LARS1: variants seen among roughly 807,000 people sequenced by gnomAD.
LARS1 encodes the protein leucine--tRNA ligase, cytoplasmic.
In LARS1, 100 loss-of-function variants were observed where a neutral mutation model predicts 162.8. The observed-to-expected ratio is 0.61, with a 90% CI of 0.52 to 0.73. LARS1 has a LOEUF of 0.73. LARS1 is among the 30% of genes least tolerant of loss of function. The pLI is 0.00. For missense variants in LARS1, 1,258 were observed against 1,408.9 expected, an observed-to-expected ratio of 0.89 and a Z score of 1.71; for synonymous variants, 457 against 462.8, an observed-to-expected ratio of 0.99 and a Z score of 0.16.
At chr5:146,161,637 C>T (rs1402224503) in intron 6 of LARS1, among the ~76,000 whole-genome samples, 2 of 152,010 alleles carry the variant, frequency 1.3e-5, no homozygotes, top group African/African-American at 2.4e-5. Context: ...CCTGTAATCC[C>T]AGCTACTAGG....
At chr5:146,159,596 T>A (rs1753687654) in intron 7 of LARS1, 126 bp from the exon 8 acceptor site, 1 of 673,194 alleles carries the variant, frequency 1.5e-6, no homozygotes, top group Non-Finnish European at 2.6e-6. Context: ...GATATCTGTG[T>A]CTATTATGTG....
intron 6 of LARS1, among the ~76,000 whole-genome samples, chr5:146,161,701 C>T (rs561551888): frequency 2.3e-4 from 34 of 150,018 alleles, no homozygotes; most frequent in African/African-American, 7.8e-4. Context: ...TGCAGTGAGT[C>T]GATATCATGC....
chr5:146,170,925 T>C (rs552661577), intron 4 of LARS1, among the ~76,000 whole-genome samples: 14 of 150,684 alleles, frequency 9.3e-5, no homozygotes, highest in Admixed American at 6.6e-4. Context: ...AAAGCACGCA[T>C]GCATGCATGT....
intron 5 of LARS1, among the ~76,000 whole-genome samples, chr5:146,166,809 T>C (rs1754027363): frequency 6.6e-6 from 1 of 151,810 alleles, no homozygotes; most frequent in Middle Eastern, 3.2e-3. Flanking sequence ...ACAGTATTAT[T>C]TCCATGGCCT....
chr5:146,165,752 C>T (rs1249659449), intron 5 of LARS1, among the ~76,000 whole-genome samples: 1 of 151,396 alleles, frequency 6.6e-6, no homozygotes, highest in Non-Finnish European at 1.5e-5. Context: ...GAATTACACA[C>T]AAACACTGTA....
At chr5:146,126,293 C>A in intron 28 of LARS1, 142 bp downstream of exon 28, 2 of 539,272 alleles carry the variant, frequency 3.7e-6, no homozygotes, top group Non-Finnish European at 6.6e-6. Flanking sequence ...TCTGATAGAT[C>A]ATTTCTCTCA....
chr5:146,147,124 C>G (rs749594721), intron 15 of LARS1, among the ~76,000 whole-genome samples: 3 of 152,254 alleles, frequency 2.0e-5, no homozygotes, highest in East Asian at 1.9e-4. Flanking sequence ...GCCCAAATGG[C>G]CCTTTCTAGA....
In LARS1 at chr5:146,129,081, C is replaced by T. The variant is rs150148403; in HGVS notation, c.2666G>A (p.Gly889Asp). 5.2e-3 allele frequency: 8,308 copies of T among 1,606,300 alleles called. 35 individuals are homozygous for T. The highest frequency in any genetic ancestry group is 6.2e-3 in the Non-Finnish European group (7,246 of 1,175,534). ...SIMNASWPVA[G>D]PVNEVLIHSS... Reference sequence around the variant, plus strand: ...GTGTATTAAAACTTCATTAACAGGACCTGCCACAGGCCATGAAGCATTCAT... The same window carrying T: ...GTGTATTAAAACTTCATTAACAGGATCTGCCACAGGCCATGAAGCATTCAT... The change falls in exon 26 of 32, where the codon GGT (glycine) becomes GAT (aspartate). Residue 889 changes from glycine to aspartate, a missense_variant. By Grantham distance (94) the Gly-to-Asp change is moderately conservative (BLOSUM62 -1). Transcript: ENST00000394434.
chr5:146,135,529 C>A, intron 22 of LARS1, 72 bp downstream of exon 22: 1 of 1,121,898 alleles, frequency 8.9e-7, no homozygotes, highest in Non-Finnish European at 1.3e-6. Context: ...ATTAAAACAC[C>A]AATTTTAACG....
chr5:146,171,435 T>C (rs970625746), intron 4 of LARS1, among the ~76,000 whole-genome samples: 2 of 152,202 alleles, frequency 1.3e-5, no homozygotes, highest in Admixed American at 1.3e-4. Context: ...TTCCTAATCC[T>C]ATTATATAAA....
chr5:146,163,710 C>A (rs994837604), intron 6 of LARS1, among the ~76,000 whole-genome samples: 8 of 152,074 alleles, frequency 5.3e-5, no homozygotes, highest in African/African-American at 1.7e-4. Flanking sequence ...AAAAAAAGAA[C>A]TTTTCTTTGC....
chr5:146,169,563 T>C lies in LARS1; in HGVS notation c.295-1298A>G, dbSNP rs190458981. Among the ~76,000 whole-genome samples, 627 of 152,154 alleles carry C rather than the reference T, an allele frequency of 4.1e-3. 6 individuals are homozygous for C. The highest frequency in any genetic ancestry group is 0.013 in the African/African-American group (557 of 41,526). On this transcript the variant is annotated intron_variant, in intron 4 of 31. Transcript: ENST00000394434. ...CTTTTTAATTTCTTTCTTTTTTTTTTTTGAGATGGAATTTTACTCTTGTTG... is the reference window on the plus strand; with the variant it reads ...CTTTTTAATTTCTTTCTTTTTTTTTCTTGAGATGGAATTTTACTCTTGTTG...
At chr5:146,178,188 T>C (rs1016468733) in intron 1 of LARS1, among the ~76,000 whole-genome samples, 3 of 152,226 alleles carry the variant, frequency 2.0e-5, no homozygotes, top group Admixed American at 6.5e-5. Context: ...GGCTTTGATA[T>C]GCTTTTTTAA....
intron 1 of LARS1, among the ~76,000 whole-genome samples, chr5:146,181,782 C>CCA (rs1439806058): frequency 6.7e-6 from 1 of 149,290 alleles, no homozygotes; most frequent in Non-Finnish European, 1.5e-5. Flanking sequence ...TGTATTTTAC[C>CCA]CACACACATA....
chr5:146,181,485 T>C (rs1474471233), intron 1 of LARS1, among the ~76,000 whole-genome samples: 3 of 151,986 alleles, frequency 2.0e-5, no homozygotes, highest in Non-Finnish European at 4.4e-5. Flanking sequence ...AAACCCTGTC[T>C]CTACTAAAAA....
chr5:146,148,215 G>T (rs2126502672), intron 15 of LARS1, among the ~76,000 whole-genome samples: 1 of 152,302 alleles, frequency 6.6e-6, no homozygotes, highest in East Asian at 1.9e-4. Flanking sequence ...TGGGATTAAG[G>T]AAACAGGAGA....
intron 28 of LARS1, among the ~76,000 whole-genome samples, chr5:146,124,714 T>C (rs1460542042): frequency 6.6e-6 from 1 of 151,980 alleles, no homozygotes; most frequent in East Asian, 1.9e-4. Context: ...CAGATATAAC[T>C]ACCTAGAACA....
At chr5:146,176,876 GATA>G (rs1230985760) in intron 2 of LARS1, among the ~76,000 whole-genome samples, 1 of 152,082 alleles carries the variant, frequency 6.6e-6, no homozygotes, top group Non-Finnish European at 1.5e-5. Context: ...TGTCTTTGGA[GATA>G]ATAATCGTCT....
At chr5:146,151,208 G>GA (rs1403108122) in intron 14 of LARS1, among the ~76,000 whole-genome samples, 1 of 152,040 alleles carries the variant, frequency 6.6e-6, no homozygotes, top group Non-Finnish European at 1.5e-5. Context: ...TTCAAAATAT[G>GA]TGTCACTTCA....
Sources: gnomAD v4.1 joint callset for allele counts (sites outside exome capture counted in the v4.1 genomes callset) on GRCh38, gnomAD v4.1.1 for gene constraint, MANE v1.5 for transcripts, NCBI Gene and HGNC (gene_info 2026-07-23, HGNC 2026-07-21) for gene names.